SYCP1: variants seen among roughly 807,000 people sequenced by gnomAD.
SYCP1 encodes cancer/testis antigen 8.
SYCP1 carries 64 observed loss-of-function variants against 153.1 expected under a neutral mutation model. That is an observed-to-expected ratio of 0.42 (90% CI 0.34 to 0.51). SYCP1 has a LOEUF of 0.51. Among genes scored for constraint, SYCP1 ranks in the 20% least tolerant of loss-of-function variants. The pLI, the probability that SYCP1 is intolerant of heterozygous loss-of-function variation, is 0.06. For missense variants in SYCP1, 997 were observed against 1,049.0 expected, an observed-to-expected ratio of 0.95 and a Z score of 0.68; for synonymous variants, 384 against 341.8, an observed-to-expected ratio of 1.12 and a Z score of -1.36.
chr1:114,945,503 AT>A (rs1670650766), intron 25 of SYCP1, among the ~76,000 whole-genome samples: 1 of 151,928 alleles, frequency 6.6e-6, no homozygotes. Context: ...TACCTATTCA[AT>A]TAAAAAAAAA....
intron 12 of SYCP1, among the ~76,000 whole-genome samples, chr1:114,884,076 A>C (rs899933769): frequency 6.6e-5 from 10 of 152,244 alleles, no homozygotes; most frequent in Non-Finnish European, 1.3e-4. Flanking sequence ...AATTTTAAAA[A>C]TATAAACTTG....
intron 23 of SYCP1, among the ~76,000 whole-genome samples, chr1:114,929,314 G>A (rs1669476363): frequency 6.6e-6 from 1 of 151,984 alleles, no homozygotes. Flanking sequence ...GATATGAATA[G>A]AAGACAAATA....
Position 114,944,985 on chromosome 1 carries a change from A to T in SYCP1, c.2154+3A>T, listed in dbSNP as rs1670614339. 6.4e-7 allele frequency: 1 copy of T among 1,557,954 alleles called. No individual in the cohort carries two copies. Among genetic ancestry groups the T allele is most frequent in the Non-Finnish European group, 8.7e-7 (1 of 1,154,496 alleles). On this transcript the variant is annotated splice_donor_region_variant and intron_variant, in intron 25 of 31. Transcript: ENST00000369522. ...TAGCACTTATGGAAAAACATAAGGT[A>T]ATTTTTTTCTTCTTATATAATGAAA...
rs1668348854 is a variant in SYCP1, at chr1:114,913,961, C to T, written c.1648-14C>T. ...TAAACAAAATAATTGATATAAACAA[C>T]ATTATTTCTTTAGAATAACAAAAAG... On this transcript the variant is annotated splice_polypyrimidine_tract_variant and intron_variant, in intron 19 of 31. Coordinates refer to ENST00000369522, the MANE Select transcript of SYCP1 (RefSeq NM_003176.4). The T allele has an allele frequency of 6.6e-7, 1 of 1,509,822 alleles. No homozygotes were observed. The highest frequency in any genetic ancestry group is 8.9e-7 in the Non-Finnish European group (1 of 1,118,276). The allele number at this position is 1,509,822 out of a possible 1,614,324, so 93.5% of individuals were successfully genotyped here.
At chr1:114,990,441 G>T (rs1408126431) in intron 30 of SYCP1, among the ~76,000 whole-genome samples, 1 of 151,728 alleles carries the variant, frequency 6.6e-6, no homozygotes, top group Non-Finnish European at 1.5e-5. Context: ...AGAAAAAAAA[G>T]AGCAAACTAA....
At chr1:114,886,715 G>A (rs1464634714) in intron 14 of SYCP1, among the ~76,000 whole-genome samples, 4 of 151,816 alleles carry the variant, frequency 2.6e-5, no homozygotes, top group Non-Finnish European at 5.9e-5. Context: ...CAGCTAGCCT[G>A]GCATAGGTAA....
At chr1:114,910,258 T>C (rs1213546574) in intron 16 of SYCP1, 139 bp from the exon 17 acceptor site, 2 of 546,164 alleles carry the variant, frequency 3.7e-6, no homozygotes, top group Non-Finnish European at 6.6e-6. Flanking sequence ...ATTTACTTAA[T>C]ATTGACTAAT....
chr1:114,941,243 G>C (rs935569063), intron 23 of SYCP1, among the ~76,000 whole-genome samples: 1 of 152,038 alleles, frequency 6.6e-6, no homozygotes, highest in Non-Finnish European at 1.5e-5. Flanking sequence ...TCAAACCCAT[G>C]TTGTTCAAAG....
rs1389711365 is a variant in SYCP1, at chr1:114,926,162, C to T, written c.1801-116C>T. On this transcript the variant is annotated intron_variant, in intron 21 of 31. Transcript: ENST00000369522. ...TATAATTTTTATATTAATGGAATTA[C>T]CATGATTTTGAAGTGACCTTTATCA... 3 of 695,474 alleles carry T rather than the reference C, an allele frequency of 4.3e-6. No homozygotes were observed. The African/African-American group carries it at 5.6e-5, about 13-fold the overall frequency. 43.1% of individuals were successfully genotyped at this position (695,474 alleles called of 1,614,324 possible). A position where few individuals can be genotyped will look rare whatever the true frequency, so the allele number is the denominator to read the frequency against.
At chr1:114,855,634 T>TAC in intron 2 of SYCP1, 62 bp downstream of exon 2, 1 of 1,289,594 alleles carries the variant, frequency 7.8e-7, no homozygotes, top group Non-Finnish European at 1.1e-6. Flanking sequence ...AAGAAAAGTG[T>TAC]ACTTTCTTCC....
At chr1:114,903,366 A>C (rs1003384223) in intron 16 of SYCP1, among the ~76,000 whole-genome samples, 2 of 152,218 alleles carry the variant, frequency 1.3e-5, no homozygotes, top group Admixed American at 1.3e-4. Context: ...AGTTCATAGT[A>C]TGATGAGGCC....
intron 27 of SYCP1, among the ~76,000 whole-genome samples, chr1:114,962,621 G>A (rs1217470648): frequency 6.6e-6 from 1 of 152,098 alleles, no homozygotes; most frequent in Non-Finnish European, 1.5e-5. Context: ...TATATATTCT[G>A]CCATTCTGTA....
chr1:114,871,326 C>T (rs1665107498), intron 8 of SYCP1, among the ~76,000 whole-genome samples: 1 of 151,816 alleles, frequency 6.6e-6, no homozygotes, highest in South Asian at 2.1e-4. Context: ...CACCACCAAG[C>T]CCGGCTAATT....
At chr1:114,931,000 G>A (rs1669594294) in intron 23 of SYCP1, among the ~76,000 whole-genome samples, 1 of 151,826 alleles carries the variant, frequency 6.6e-6, no homozygotes, top group South Asian at 2.1e-4. Context: ...GTAATTTACT[G>A]TACCAAGTAA....
At chr1:114,858,233 A>G (rs1445698611) in intron 5 of SYCP1, among the ~76,000 whole-genome samples, 2 of 152,158 alleles carry the variant, frequency 1.3e-5, no homozygotes, top group African/African-American at 2.4e-5. Context: ...GTTAAGATTT[A>G]TAGATTTCTT....
intron 27 of SYCP1, among the ~76,000 whole-genome samples, chr1:114,969,597 C>A (rs1309816344): frequency 6.6e-6 from 1 of 152,186 alleles, no homozygotes; most frequent in Non-Finnish European, 1.5e-5. Flanking sequence ...GGGATGGGAT[C>A]TACTGAGCAA....
intron 30 of SYCP1, 116 bp from the exon 31 acceptor site, chr1:114,994,582 A>T: frequency 1.5e-6 from 1 of 687,344 alleles, no homozygotes; most frequent in Non-Finnish European, 2.2e-6. Context: ...TCTCCCTTCT[A>T]CATCCTTCCT....
intron 13 of SYCP1, 141 bp from the exon 14 acceptor site, chr1:114,885,984 G>A (rs1025497715): frequency 5.6e-6 from 3 of 539,582 alleles, no homozygotes; most frequent in Non-Finnish European, 9.4e-6. Context: ...TAGTGGGTGG[G>A]CATTCCAGGG....
At chr1:114,860,882 G>A in intron 8 of SYCP1, 73 bp downstream of exon 8, 2 of 1,205,096 alleles carry the variant, frequency 1.7e-6, no homozygotes, top group Non-Finnish European at 2.3e-6. Flanking sequence ...GAAAGAAATT[G>A]TCCTTTTAAT....
Sources: allele counts gnomAD v4.1 joint callset (sites outside exome capture counted in the v4.1 genomes callset), GRCh38; gene constraint gnomAD v4.1.1; transcripts MANE v1.5; gene names NCBI Gene and HGNC (gene_info 2026-07-23, HGNC 2026-07-21).